Variants in NOC2L observed in about 807,000 individuals in gnomAD.
NOC2L encodes the protein NOC2 like nucleolar associated transcriptional repressor, also known as nucleolar complex protein 2 homolog.
Under a neutral mutation model 94.2 loss-of-function variants are expected in NOC2L, and 101 were observed. The ratio of observed to expected loss-of-function variants is 1.07; its 90% confidence interval spans 0.91 to 1.26. The LOEUF is 1.26. Among genes scored for constraint, NOC2L ranks in the 50% most tolerant of loss-of-function variants. The pLI is 0.00. For synonymous variants in NOC2L, 531 were observed against 413.4 expected, an observed-to-expected ratio of 1.28 and a Z score of -3.45; for missense variants, 1,076 against 980.1, an observed-to-expected ratio of 1.10 and a Z score of -1.31.
At chr1:946,139 C>A (rs757601903) in intron 16 of NOC2L, 34 bp downstream of exon 16, 1 of 1,485,874 alleles carries the variant, frequency 6.7e-7, no homozygotes, top group South Asian at 1.2e-5. Context: ...CAGGAAGTCA[C>A]AACACACCCC....
In NOC2L at chr1:945,665, A is replaced by G. The variant is rs758841114; in HGVS notation, c.1918-12T>C. 19 of 1,614,010 alleles carry G rather than the reference A, an allele frequency of 1.2e-5. No individual in the cohort carries two copies. Among genetic ancestry groups the G allele is most frequent in the East Asian group, 2.2e-5 (1 of 44,900 alleles). On this transcript the variant is annotated splice_polypyrimidine_tract_variant and intron_variant, in intron 16 of 18. Transcript: ENST00000327044. Reference sequence around the variant, plus strand: ...TTCAGGTCTTCCAGCTGGAAGGCCAAAGAACCAGGGGCTCAGGTGAGAGAG... The same window carrying G: ...TTCAGGTCTTCCAGCTGGAAGGCCAGAGAACCAGGGGCTCAGGTGAGAGAG...
At chr1:956,428 G>A (rs532106086) in intron 4 of NOC2L, among the ~76,000 whole-genome samples, 41 of 152,144 alleles carry the variant, frequency 2.7e-4, no homozygotes, top group Non-Finnish European at 4.9e-4. Context: ...GGAGCCCCAG[G>A]AAAAGGACTG....
At chr1:945,278 CCCTGGGGAGGAACTGGGAGGTCACAGG>C in intron 17 of NOC2L, 132 bp from the exon 18 acceptor site, 9 of 1,221,742 alleles carry the variant, frequency 7.4e-6, no homozygotes, top group South Asian at 3.0e-5. Flanking sequence ...TGGAGAGGAG[CCCTGGGGAGGAACTGGGAGGTCACAGG>C]CCTGGGGACA....
chr1:945,396 C>A, intron 17 of NOC2L, 122 bp downstream of exon 17: 1 of 1,265,886 alleles, frequency 7.9e-7, no homozygotes, highest in Non-Finnish European at 1.1e-6. Flanking sequence ...AGGTTGGCCC[C>A]AGCTGGGCCA....
At chr1:956,808 C>G in intron 4 of NOC2L, 86 bp downstream of exon 4, 1 of 1,576,754 alleles carries the variant, frequency 6.3e-7, no homozygotes, top group Non-Finnish European at 8.6e-7. Flanking sequence ...ACCCAGCTGC[C>G]CGCCCCTCGC....
chr1:959,139 G>A (rs115438739), intron 1 of NOC2L, 58 bp from the exon 2 acceptor site: 29,955 of 1,612,024 alleles, frequency 0.019, 330 homozygotes, highest in Non-Finnish European at 0.022. Flanking sequence ...CAGCCCCGCT[G>A]AGAGGAGCAA....
At position 956,945 on chromosome 1, in the gene NOC2L, A is replaced by C. The variant is rs1422140072; in HGVS notation, c.435T>G (p.Asn145Lys). 6.2e-7 allele frequency: 1 copy of C among 1,613,978 alleles called. No individual in the cohort carries two copies. The highest frequency in any genetic ancestry group is 8.5e-7 in the Non-Finnish European group (1 of 1,180,046). ...RVPRGLKGKK[N>K]SVPVTVAMVE... Reference sequence around the variant, plus strand: ...CCATGGCGACGGTCACAGGAACAGAATTCTTCTTCCCCTTCAGCCCTCTGG... The same window carrying C: ...CCATGGCGACGGTCACAGGAACAGACTTCTTCTTCCCCTTCAGCCCTCTGG... The change falls in exon 4 of 19, where the codon AAT (asparagine) becomes AAG (lysine). Residue 145 changes from asparagine (N) to lysine (K), a missense_variant. Coordinates refer to ENST00000327044, the MANE Select transcript of NOC2L (RefSeq NM_015658.4).
intron 6 of NOC2L, among the ~76,000 whole-genome samples, chr1:955,513 T>C (rs556970601): frequency 1.3e-5 from 2 of 152,314 alleles, no homozygotes; most frequent in Admixed American, 6.5e-5. Context: ...GTTCTCAGCA[T>C]TGATGAGGCC....
At position 946,787 on chromosome 1, in the gene NOC2L, G is replaced by A. The variant is rs1166956779; in HGVS notation, c.1660-242C>T. ...GAAATAAAGTTTTATGCCAGGCGTG[G>A]TGGCTCTCGCCTGTAATCCCAGCAC... is the stretch of plus-strand genomic sequence containing the variant. On this transcript the variant is annotated intron_variant, in intron 14 of 18. Transcript: ENST00000327044. 3 of 461,998 alleles carry A rather than the reference G, an allele frequency of 6.5e-6. 1 individual carries two copies. Among genetic ancestry groups the A allele is most frequent in the East Asian group, 8.2e-5 (2 of 24,468 alleles). The allele number at this position is 461,998 out of a possible 1,614,324, so 28.6% of individuals were successfully genotyped here.
intron 2 of NOC2L, 187 bp from the exon 3 acceptor site, chr1:957,460 T>C (rs1175385324): frequency 5.0e-6 from 3 of 600,984 alleles, no homozygotes; most frequent in African/African-American, 1.9e-5. Flanking sequence ...TCAAACACAC[T>C]ACACAGGCCC....
In NOC2L at chr1:957,523, G is replaced by GC. The variant is rs1262205776; in HGVS notation, c.180-251dup. The GC allele has an allele frequency of 1.2e-5, 6 of 495,056 alleles. No individual in the cohort carries two copies. The South Asian group carries it at 1.5e-4, about 13-fold the overall frequency. 30.7% of individuals were successfully genotyped at this position (495,056 alleles called of 1,614,324 possible). A position where few individuals can be genotyped will look rare whatever the true frequency, so the allele number is the denominator to read the frequency against. On this transcript the variant is annotated intron_variant, in intron 2 of 18. Coordinates refer to ENST00000327044, the MANE Select transcript of NOC2L (RefSeq NM_015658.4). ...TGTGCCTGCGCCCTGCGCTACACAG[G>GC]CCCCCAGCCGCGGTCTTCCCTGGAC... is the stretch of plus-strand genomic sequence containing the variant.
intron 12 of NOC2L, 77 bp from the exon 13 acceptor site, chr1:948,680 C>T: frequency 7.9e-7 from 1 of 1,264,014 alleles, no homozygotes; most frequent in Admixed American, 1.7e-5. Flanking sequence ...CACCCTGGTC[C>T]CCCTGGTCCC....
chr1:948,209 G>A lies in NOC2L; in HGVS notation c.1581C>T (p.Tyr527=), dbSNP rs773149234. The A allele has an allele frequency of 2.9e-5, 46 of 1,585,938 alleles. No individual in the cohort carries two copies. The highest frequency in any genetic ancestry group is 1.4e-4 in the Admixed American group (8 of 56,162). Residue 527 remains tyrosine, a synonymous_variant, in exon 14 of 19, where the codon TAC becomes TAT. Transcript: ENST00000327044. The part of the protein sequence containing the change: ...AYRDGLVEQL[Y]DLTLEYLHSQ... Reference sequence around the variant, plus strand: ...TGTGCAGGTACTCCAGGGTGAGGTCGTACAGCTGCTCCACCAGGCCGTCCT... The same window carrying A: ...TGTGCAGGTACTCCAGGGTGAGGTCATACAGCTGCTCCACCAGGCCGTCCT...
chr1:958,033 ACGT>A (rs1271174935), intron 2 of NOC2L: 4 of 147,766 alleles, frequency 2.7e-5, no homozygotes, highest in African/African-American at 1.0e-4. Context: ...CTTTATTCAG[ACGT>A]CATCTTCTCA....
Position 944,216 on chromosome 1 carries a change from C to A in NOC2L, c.*478G>T. 1 of 1,478,324 alleles carries A rather than the reference C, an allele frequency of 6.8e-7. No homozygotes were observed. The highest frequency in any genetic ancestry group is 2.4e-5 in the East Asian group (1 of 41,532). The allele number at this position is 1,478,324 out of a possible 1,614,324, so 91.6% of individuals were successfully genotyped here. ...AGGAGCCACCACTCAACACAATGGC[C>A]CTGCCTCCCACCGCTTTATTTCTTT... On this transcript the variant is annotated 3_prime_UTR_variant, in exon 19 of 19. Transcript: ENST00000327044.
chr1:952,104 C>T lies in NOC2L; in HGVS notation c.1227G>A (p.Val409=), dbSNP rs1642275617. 5 of 1,613,436 alleles carry T rather than the reference C, an allele frequency of 3.1e-6. No individual in the cohort carries two copies. Among genetic ancestry groups the T allele is most frequent in the African/African-American group, 1.3e-5 (1 of 74,936 alleles). Residue 409 remains valine (V), a synonymous_variant, in exon 11 of 19, where the codon GTG becomes GTA. Transcript: ENST00000327044. The part of the protein sequence containing the change: ...TYQSVYNWQY[V]HCLFLWCRVL... ...CCCGGCACCACAGGAAGAGGCAGTGCACATACTGCCAGTTGTACACAGACT... is the reference window on the plus strand; with the variant it reads ...CCCGGCACCACAGGAAGAGGCAGTGTACATACTGCCAGTTGTACACAGACT...
rs1557619699 is a variant in NOC2L, at chr1:952,011, AATG to A, written c.1317_1319del (p.Ile440del). The A allele has an allele frequency of 1.9e-6, 3 of 1,612,252 alleles. No homozygotes were observed. The Admixed American group carries it at 5.0e-5, about 27-fold the overall frequency. ...ACCCCACAACTCACTTGATACAGCCAATGATGACTTGGGCAAGGGGGTAGACCA... is the reference window on the plus strand; with the variant it reads ...ACCCCACAACTCACTTGATACAGCCAATGACTTGGGCAAGGGGGTAGACCA... On this transcript the variant is annotated inframe_deletion, in exon 11 of 19. Coordinates refer to ENST00000327044, the MANE Select transcript of NOC2L (RefSeq NM_015658.4).
In NOC2L at chr1:954,939, G is replaced by A. The variant is rs540360105; in HGVS notation, c.699-857C>T. 1.9e-3 allele frequency among the ~76,000 whole-genome samples: 282 copies of A among 152,312 alleles called. 3 individuals are homozygous for A. Among genetic ancestry groups the A allele is most frequent in the Non-Finnish European group, 3.1e-3 (213 of 68,030 alleles). On this transcript the variant is annotated intron_variant, in intron 6 of 18. Coordinates refer to ENST00000327044, the MANE Select transcript of NOC2L (RefSeq NM_015658.4). ...TGCTGAAGCATGGGAAGGACAAAGG[G>A]CAGGGCCCCAGAAAGGCCCCCCGTC...
chr1:947,336 G>T (rs1642141572), intron 14 of NOC2L, among the ~76,000 whole-genome samples: 1 of 152,220 alleles, frequency 6.6e-6, no homozygotes, highest in East Asian at 1.9e-4. Context: ...CCCAGAAAGG[G>T]GGTCCCGGCT....
Sources: allele counts gnomAD v4.1 joint callset (sites outside exome capture counted in the v4.1 genomes callset), GRCh38; gene constraint gnomAD v4.1.1; transcripts MANE v1.5; gene names NCBI Gene and HGNC (gene_info 2026-07-23, HGNC 2026-07-21).